GABRA2: variants seen among roughly 807,000 people sequenced by gnomAD.
The protein encoded by GABRA2 is gamma-aminobutyric acid type A receptor subunit alpha2, also known as gamma-aminobutyric acid receptor subunit alpha-2.
In GABRA2, 16 loss-of-function variants were observed where a neutral mutation model predicts 48.7. That is an observed-to-expected ratio of 0.33 (90% CI 0.22 to 0.50). The LOEUF (loss-of-function observed/expected upper bound fraction) is 0.50, where lower values mean the gene tolerates loss of function less well. Ranked by LOEUF, GABRA2 falls within the 20% of genes least tolerant of loss-of-function variation. The probability of loss-of-function intolerance (pLI) is 0.98; values close to 1 mark genes in which losing one functional copy is unlikely to be tolerated. For synonymous variants in GABRA2, 185 were observed against 184.5 expected, an observed-to-expected ratio of 1.00 and a Z score of -0.02; for missense variants, 275 against 535.6, an observed-to-expected ratio of 0.51 and a Z score of 4.80.
Position 46,389,017 on chromosome 4 carries a change from A to G in GABRA2, c.-10-301T>C, listed in dbSNP as rs201802993. The G allele has an allele frequency of 2.7e-5, 32 of 1,165,050 alleles. No homozygotes were observed. In the African/African-American group the frequency reaches 4.8e-4, roughly 18 times the overall value. 72.2% of individuals were successfully genotyped at this position (1,165,050 alleles called of 1,614,324 possible). A position where few individuals can be genotyped will look rare whatever the true frequency, so the allele number is the denominator to read the frequency against. On this transcript the variant is annotated intron_variant, in intron 1 of 9. Transcript: ENST00000381620. ...AGGAACGTCCCCCAGCCTCATCGTCAGCAAACACTGTTTTGCGCACACGTA... is the reference window on the plus strand; with the variant it reads ...AGGAACGTCCCCCAGCCTCATCGTCGGCAAACACTGTTTTGCGCACACGTA...
intron 8 of GABRA2, among the ~76,000 whole-genome samples, chr4:46,291,786 T>C (rs1723695189): frequency 6.7e-6 from 1 of 150,102 alleles, no homozygotes; most frequent in Middle Eastern, 3.5e-3. Context: ...CATATATATA[T>C]ATATACATAT....
chr4:46,361,131 AG>A (rs1410164672), intron 3 of GABRA2, among the ~76,000 whole-genome samples: 6 of 152,216 alleles, frequency 3.9e-5, no homozygotes. Flanking sequence ...AGATACCTCG[AG>A]AAACTTGCAT....
intron 3 of GABRA2, among the ~76,000 whole-genome samples, chr4:46,361,856 C>T (rs1327094029): frequency 1.3e-5 from 2 of 152,218 alleles, no homozygotes; most frequent in Non-Finnish European, 2.9e-5. Context: ...CATTTTGAAG[C>T]TTTAAGATCC....
At chr4:46,317,691 T>C (rs1163043893) in intron 4 of GABRA2, among the ~76,000 whole-genome samples, 2 of 150,780 alleles carry the variant, frequency 1.3e-5, no homozygotes, top group East Asian at 1.9e-4. Context: ...CAAACGAAAG[T>C]GGGAAACAAG....
chr4:46,262,434 T>C (rs1318069148), intron 8 of GABRA2, among the ~76,000 whole-genome samples: 1 of 152,088 alleles, frequency 6.6e-6, no homozygotes, highest in African/African-American at 2.4e-5. Context: ...GATACCGAAG[T>C]AGAATTACCT....
chr4:46,352,523 TA>T (rs978745195), intron 3 of GABRA2, among the ~76,000 whole-genome samples: 2 of 152,002 alleles, frequency 1.3e-5, no homozygotes, highest in African/African-American at 2.4e-5. Flanking sequence ...ATAAATCCAA[TA>T]CAAAAACGAA....
intron 8 of GABRA2, among the ~76,000 whole-genome samples, chr4:46,267,144 GT>G: frequency 6.6e-6 from 1 of 152,034 alleles, no homozygotes. Flanking sequence ...TTTCCTCATT[GT>G]TTTTTCTTTC....
chr4:46,325,512 C>T (rs1362683584), intron 4 of GABRA2, among the ~76,000 whole-genome samples: 1 of 151,974 alleles, frequency 6.6e-6, no homozygotes, highest in South Asian at 2.1e-4. Context: ...ATAATTTCTC[C>T]TATTCTGTAG....
intron 3 of GABRA2, among the ~76,000 whole-genome samples, chr4:46,356,691 G>A (rs1185341073): frequency 6.6e-6 from 1 of 152,148 alleles, no homozygotes; most frequent in African/African-American, 2.4e-5. Flanking sequence ...TTTCTGAGAT[G>A]AGCAGAATGA....
At chr4:46,378,227 G>A (rs2109343113) in intron 3 of GABRA2, among the ~76,000 whole-genome samples, 1 of 152,334 alleles carries the variant, frequency 6.6e-6, no homozygotes, top group East Asian at 1.9e-4. Context: ...GGGGGGAAGG[G>A]TGGGGAAAAG....
chr4:46,278,638 A>C (rs74902595), intron 8 of GABRA2, among the ~76,000 whole-genome samples: 1 of 152,256 alleles, frequency 6.6e-6, no homozygotes, highest in East Asian at 1.9e-4. Context: ...TTTTTCTTCT[A>C]TCAATTTTTC....
At chr4:46,335,583 C>A (rs1219688695) in intron 3 of GABRA2, among the ~76,000 whole-genome samples, 1 of 152,162 alleles carries the variant, frequency 6.6e-6, no homozygotes, top group African/African-American at 2.4e-5. Flanking sequence ...AAGTGATTCT[C>A]CTGCCTCAGC....
At position 46,310,270 on chromosome 4, in the gene GABRA2, T is replaced by G; in HGVS notation, c.477-15A>C. On this transcript the variant is annotated splice_polypyrimidine_tract_variant and intron_variant, in intron 5 of 9. Transcript: ENST00000381620. Reference sequence around the variant, plus strand: ...GAACTGTAAGCCTAAAAGTCAAAATTTCACTATTTGTTTAAGTATATTGGT... The same window carrying G: ...GAACTGTAAGCCTAAAAGTCAAAATGTCACTATTTGTTTAAGTATATTGGT... 1 of 1,606,888 alleles carries G rather than the reference T, an allele frequency of 6.2e-7. No individual in the cohort carries two copies. Among genetic ancestry groups the G allele is most frequent in the Non-Finnish European group, 8.5e-7 (1 of 1,173,778 alleles).
At chr4:46,310,090 A>G (rs1296840326) in intron 6 of GABRA2, 83 bp downstream of exon 6, 36 of 938,266 alleles carry the variant, frequency 3.8e-5, no homozygotes, top group Middle Eastern at 2.2e-4. Flanking sequence ...ATAATTTGAG[A>G]AAAAAACTAG....
chr4:46,382,589 T>C (rs1716909159), intron 3 of GABRA2, among the ~76,000 whole-genome samples: 1 of 152,176 alleles, frequency 6.6e-6, no homozygotes, highest in Non-Finnish European at 1.5e-5. Context: ...AGGGGCATGC[T>C]CTGACTTAAA....
chr4:46,250,918 GTATT>G (rs1340314439), intron 9 of GABRA2, among the ~76,000 whole-genome samples: 2 of 151,508 alleles, frequency 1.3e-5, no homozygotes, highest in Non-Finnish European at 3.0e-5. Context: ...AGTCAGTCAA[GTATT>G]TGTCAAATGA....
intron 3 of GABRA2, among the ~76,000 whole-genome samples, chr4:46,338,128 A>C (rs1053832399): frequency 2.0e-5 from 3 of 151,948 alleles, no homozygotes; most frequent in Admixed American, 1.3e-4. Context: ...TTTTCTCAAG[A>C]GAGTGGTAAT....
chr4:46,277,257 G>A (rs1001553839), intron 8 of GABRA2, among the ~76,000 whole-genome samples: 2 of 152,092 alleles, frequency 1.3e-5, no homozygotes, highest in South Asian at 4.1e-4. Flanking sequence ...TTCCTAATTG[G>A]CAGTGAGCTA....
chr4:46,389,552 T>C (rs1218102172), intron 1 of GABRA2, 183 bp downstream of exon 1: 1 of 438,272 alleles, frequency 2.3e-6, no homozygotes, highest in African/African-American at 2.1e-5. Flanking sequence ...GTTGCAAATA[T>C]GCTTCTGGTG....
Sources: allele counts gnomAD v4.1 joint callset (sites outside exome capture counted in the v4.1 genomes callset), GRCh38; gene constraint gnomAD v4.1.1; transcripts MANE v1.5; gene names NCBI Gene and HGNC (gene_info 2026-07-23, HGNC 2026-07-21).